WDPCP: variants seen among roughly 807,000 people sequenced by gnomAD.
WDPCP encodes the protein WD repeat-containing and planar cell polarity effector protein fritz homolog.
Under a neutral mutation model 93.1 loss-of-function variants are expected in WDPCP, and 71 were observed. The ratio of observed to expected loss-of-function variants is 0.76; its 90% CI spans 0.63 to 0.93. WDPCP has a LOEUF of 0.93. Ranked by LOEUF, WDPCP falls within the 40% of genes least tolerant of loss-of-function variation. The pLI is 0.00. For missense variants in WDPCP, 844 were observed against 887.4 expected (o/e 0.95, Z 0.62); for synonymous variants, 315 against 315.0 (o/e 1.00, Z 0.00).
Position 63,403,858 on chromosome 2 carries a change from T to C in WDPCP, c.1435+190A>G, listed in dbSNP as rs930026192. ...ACAATTAGTGCAATTTACAAATTAT[T>C]CAATATCTAGTGTTCCTTTGGCAGT... On this transcript the variant is annotated intron_variant, in intron 10 of 17. Coordinates refer to ENST00000272321, the MANE Select transcript of WDPCP (RefSeq NM_015910.7). 5 of 720,904 alleles carry C rather than the reference T, an allele frequency of 6.9e-6. No homozygotes were observed. In the South Asian group the frequency reaches 1.0e-4, roughly 15 times the overall value. The allele number at this position is 720,904 out of a possible 1,614,324, so 44.7% of individuals were successfully genotyped here. A position where few individuals can be genotyped will look rare whatever the true frequency, so the allele number is the denominator to read the frequency against.
chr2:63,840,098 T>A, the WDPCP span, among the ~76,000 whole-genome samples: 1 of 152,264 alleles, frequency 6.6e-6, no homozygotes, highest in Non-Finnish European at 1.5e-5. Context: ...ACCGTACTTG[T>A]TTATTGAAGG....
At chr2:63,702,209 A>G (rs1669064727) in intron 2 of WDPCP, among the ~76,000 whole-genome samples, 1 of 151,930 alleles carries the variant, frequency 6.6e-6, no homozygotes, top group African/African-American at 2.4e-5. Context: ...TATTTTTGGT[A>G]GAGATGGGGT....
At chr2:63,471,361 A>G (rs1397680434) in intron 6 of WDPCP, among the ~76,000 whole-genome samples, 1 of 152,226 alleles carries the variant, frequency 6.6e-6, no homozygotes, top group Non-Finnish European at 1.5e-5. Flanking sequence ...TTATAACCCA[A>G]TTCTTGGAAG....
At chr2:63,719,173 G>A (rs1389278064) in intron 2 of WDPCP, among the ~76,000 whole-genome samples, 2 of 152,194 alleles carry the variant, frequency 1.3e-5, no homozygotes, top group African/African-American at 2.4e-5. Context: ...AGAGTGGCAT[G>A]ACATTACTCT....
At chr2:63,486,184 T>C (rs866342598) in intron 4 of WDPCP, among the ~76,000 whole-genome samples, 2 of 151,976 alleles carry the variant, frequency 1.3e-5, no homozygotes, top group South Asian at 4.1e-4. Flanking sequence ...ATATTACAAA[T>C]ACTATTTTCT....
At chr2:63,606,891 C>A in intron 3 of WDPCP, 2 of 1,611,616 alleles carry the variant, frequency 1.2e-6, no homozygotes, top group South Asian at 2.2e-5. Flanking sequence ...TTGAAGGTCT[C>A]CCTATTAATG....
chr2:63,833,168 G>A, the WDPCP span, among the ~76,000 whole-genome samples: 4 of 152,262 alleles, frequency 2.6e-5, no homozygotes, highest in East Asian at 3.9e-4. Flanking sequence ...CAGGAGAATC[G>A]CTTAAACCCG....
intron 1 of WDPCP, among the ~76,000 whole-genome samples, chr2:63,582,468 C>T (rs11125978): frequency 0.8 from 122,265 of 152,108 alleles, 49,804 homozygotes; most frequent in East Asian, 0.98. Flanking sequence ...CCCAAAACAG[C>T]GCAAGAATCG....
At chr2:63,205,158 C>T (rs79983019) in intron 14 of WDPCP, among the ~76,000 whole-genome samples, 31 of 152,050 alleles carry the variant, frequency 2.0e-4, no homozygotes, top group African/African-American at 6.0e-4. Context: ...ACTGGAGGTG[C>T]GTGGATTTGT....
intron 1 of WDPCP, among the ~76,000 whole-genome samples, chr2:63,549,777 AAAC>A (rs927135845): frequency 9.2e-5 from 14 of 152,302 alleles, no homozygotes; most frequent in African/African-American, 2.4e-4. Flanking sequence ...AAAAAAACAA[AAAC>A]AACAACAACA....
At chr2:63,229,837 C>A in intron 14 of WDPCP, 1 of 154,624 alleles carries the variant, frequency 6.5e-6, no homozygotes, top group Non-Finnish European at 1.4e-5. Context: ...GTTACTGTAG[C>A]CTTGTAGTGT....
intron 12 of WDPCP, among the ~76,000 whole-genome samples, chr2:63,365,196 G>A (rs529175408): frequency 6.6e-6 from 1 of 152,190 alleles, no homozygotes; most frequent in South Asian, 2.1e-4. Flanking sequence ...AGCACCACAT[G>A]GCCCATGTGG....
At chr2:63,744,530 A>T (rs1359457495) in intron 2 of WDPCP, among the ~76,000 whole-genome samples, 2 of 152,096 alleles carry the variant, frequency 1.3e-5, no homozygotes, top group African/African-American at 4.8e-5. Context: ...CAGAACTCAG[A>T]CTCTCTGGAA....
intron 9 of WDPCP, among the ~76,000 whole-genome samples, chr2:63,419,238 G>T (rs1695661622): frequency 6.6e-6 from 1 of 152,166 alleles, no homozygotes; most frequent in African/African-American, 2.4e-5. Context: ...CACCTCCCGG[G>T]TTCAAGCAAT....
chr2:63,526,685 T>C (rs1703362863), intron 1 of WDPCP, among the ~76,000 whole-genome samples: 1 of 152,234 alleles, frequency 6.6e-6, no homozygotes, highest in Non-Finnish European at 1.5e-5. Context: ...CTGTGGTTTT[T>C]ACATGGCTGG....
At position 63,793,390 on chromosome 2, in the gene WDPCP, T is replaced by C. The variant is rs568428248; in HGVS notation, n.308+20232A>G. 4.0e-4 allele frequency among the ~76,000 whole-genome samples: 61 copies of C among 152,264 alleles called. 1 individual carries two copies. Among genetic ancestry groups the C allele is most frequent in the African/African-American group, 1.4e-3 (59 of 41,548 alleles). ...TGGGAAGCTGAGGTGGGAGAGCTGC[T>C]TGAGGTCAGGAGTTCAAGACCAACG... On this transcript the variant is annotated intron_variant and non_coding_transcript_variant, in intron 2 of 4. Transcript: ENST00000467687.
chr2:63,686,328 G>C (rs1326796725), intron 2 of WDPCP, among the ~76,000 whole-genome samples: 2 of 152,106 alleles, frequency 1.3e-5, no homozygotes, highest in Admixed American at 6.5e-5. Flanking sequence ...GAAATCAAGA[G>C]AGTAAACCTG....
chr2:63,415,225 C>T (rs1255333794), intron 9 of WDPCP, among the ~76,000 whole-genome samples: 2 of 152,076 alleles, frequency 1.3e-5, no homozygotes, highest in Admixed American at 6.6e-5. Flanking sequence ...TAGCCAGGCA[C>T]GGTGGCACGT....
At chr2:63,338,199 T>C (rs1688530157) in intron 12 of WDPCP, among the ~76,000 whole-genome samples, 1 of 152,116 alleles carries the variant, frequency 6.6e-6, no homozygotes, top group Admixed American at 6.6e-5. Flanking sequence ...GGGGTCTACC[T>C]TCATTGTTCT....
Sources: allele counts gnomAD v4.1 joint callset (sites outside exome capture counted in the v4.1 genomes callset), GRCh38; gene constraint gnomAD v4.1.1; transcripts MANE v1.5; gene names NCBI Gene and HGNC (gene_info 2026-07-23, HGNC 2026-07-21).